The following RAD51B variants were observed in gnomAD, a reference collection of about 807,000 sequenced individuals.
The protein encoded by RAD51B is DNA repair protein RAD51 homolog 2.
A neutral mutation model predicts 42.2 loss-of-function variants in RAD51B; 38 were observed. The ratio of observed to expected loss-of-function variants is 0.90; its 90% confidence interval spans 0.70 to 1.18. The LOEUF (loss-of-function observed/expected upper bound fraction) is 1.18, where lower values mean the gene tolerates loss of function less well. Among genes scored for constraint, RAD51B ranks in the 50% most tolerant of loss-of-function variants. The pLI is 0.00. For synonymous variants in RAD51B, 154 were observed against 145.2 expected (o/e 1.06, Z -0.43); for missense variants, 373 against 400.7 (o/e 0.93, Z 0.59).
chr14:68,682,180 T>C (rs554611802), intron 11 of RAD51B, among the ~76,000 whole-genome samples: 2 of 152,254 alleles, frequency 1.3e-5, no homozygotes, highest in African/African-American at 4.8e-5. Context: ...CCTACAGATA[T>C]TAAATTACTT....
At chr14:68,051,350 C>G (rs185368298) in intron 7 of RAD51B, among the ~76,000 whole-genome samples, 2 of 151,696 alleles carry the variant, frequency 1.3e-5, no homozygotes, top group East Asian at 3.9e-4. Context: ...TCGGAATGTA[C>G]TCTCATTTAT....
chr14:68,048,132 A>C (rs543510132), intron 7 of RAD51B, among the ~76,000 whole-genome samples: 1 of 152,232 alleles, frequency 6.6e-6, no homozygotes, highest in Non-Finnish European at 1.5e-5. Context: ...ACATTCTTTA[A>C]GTATTTAATA....
At chr14:68,595,661 A>T in exon 11 of RAD51B, 1 of 1,007,448 alleles carries the variant, frequency 9.9e-7, no homozygotes, top group African/African-American at 1.7e-5. Flanking sequence ...AAATAGACAC[A>T]ACTAAATGTT....
intron 7 of RAD51B, among the ~76,000 whole-genome samples, chr14:68,148,128 G>A (rs529792636): frequency 1.3e-5 from 2 of 152,194 alleles, no homozygotes; most frequent in East Asian, 1.9e-4. Context: ...TTTATTTTGA[G>A]ATTCATCCAT....
At chr14:68,422,779 T>C (rs1308055408) in intron 9 of RAD51B, among the ~76,000 whole-genome samples, 2 of 152,226 alleles carry the variant, frequency 1.3e-5, no homozygotes, top group East Asian at 1.9e-4. Context: ...TTTCCTGATT[T>C]CTGCCGCTGT....
At chr14:68,672,829 G>A (rs903453632) in intron 11 of RAD51B, among the ~76,000 whole-genome samples, 2 of 152,200 alleles carry the variant, frequency 1.3e-5, no homozygotes, top group Non-Finnish European at 2.9e-5. Flanking sequence ...TCCCTTCAGA[G>A]GGTGTTACAG....
chr14:68,528,148 C>T (rs1345176009), intron 10 of RAD51B, among the ~76,000 whole-genome samples: 1 of 152,226 alleles, frequency 6.6e-6, no homozygotes, highest in Non-Finnish European at 1.5e-5. Context: ...GTCTTCCGTA[C>T]CATACATCCT....
At chr14:68,356,442 A>G (rs1343160291) in intron 8 of RAD51B, among the ~76,000 whole-genome samples, 1 of 151,988 alleles carries the variant, frequency 6.6e-6, no homozygotes, top group Non-Finnish European at 1.5e-5. Flanking sequence ...CTCAAAAAAA[A>G]AAAAAAAAAA....
intron 7 of RAD51B, among the ~76,000 whole-genome samples, chr14:68,088,642 CAGAG>C (rs967573457): frequency 1.9e-4 from 21 of 112,800 alleles, no homozygotes; most frequent in African/African-American, 6.9e-4. Context: ...GAGAGAGAGA[CAGAG>C]AGAGAGAGGT....
intron 7 of RAD51B, among the ~76,000 whole-genome samples, chr14:68,034,832 G>C (rs2076097137): frequency 6.6e-6 from 1 of 152,080 alleles, no homozygotes; most frequent in South Asian, 2.1e-4. Flanking sequence ...AGCCATTTCA[G>C]TTTCTCAATT....
chr14:68,648,208 G>A (rs1046812818), intron 10 of RAD51B, among the ~76,000 whole-genome samples: 3 of 144,036 alleles, frequency 2.1e-5, no homozygotes, highest in South Asian at 2.2e-4. Context: ...ATTCGAACCC[G>A]CATGTGTGTG....
chr14:68,341,731 T>C (rs976176438), intron 8 of RAD51B, among the ~76,000 whole-genome samples: 4 of 152,184 alleles, frequency 2.6e-5, no homozygotes, highest in African/African-American at 9.6e-5. Flanking sequence ...TCTCCAACTT[T>C]GTCAGTACGT....
intron 8 of RAD51B, among the ~76,000 whole-genome samples, chr14:68,313,484 C>T (rs939684835): frequency 6.6e-6 from 1 of 152,172 alleles, no homozygotes. Context: ...CAACTCCCAC[C>T]AGCTGAGTCG....
At chr14:68,600,916 A>G (rs1405184387), downstream of RAD51B, among the ~76,000 whole-genome samples, 3 of 152,220 alleles carry the variant, frequency 2.0e-5, no homozygotes, top group Admixed American at 2.0e-4. Flanking sequence ...AGCCTGAAGC[A>G]TAAGAATTGA....
At chr14:68,181,241 T>A (rs1054879449) in intron 7 of RAD51B, among the ~76,000 whole-genome samples, 13 of 152,182 alleles carry the variant, frequency 8.5e-5, no homozygotes, top group Middle Eastern at 3.2e-3. Context: ...TGGAAGGTAA[T>A]CCCCAGATTT....
intron 7 of RAD51B, among the ~76,000 whole-genome samples, chr14:68,189,964 C>A (rs1595530028): frequency 6.6e-6 from 1 of 152,222 alleles, no homozygotes; most frequent in South Asian, 2.1e-4. Flanking sequence ...CTGCACCTGG[C>A]CTCCCTTAAA....
chr14:68,589,882 A>G (rs1453135279), intron 10 of RAD51B, among the ~76,000 whole-genome samples: 1 of 152,088 alleles, frequency 6.6e-6, no homozygotes, highest in East Asian at 1.9e-4. Context: ...CTTTTTCATT[A>G]GCTCATCAAG....
intron 10 of RAD51B, among the ~76,000 whole-genome samples, chr14:68,505,041 A>G (rs1257178015): frequency 1.3e-5 from 2 of 152,246 alleles, no homozygotes; most frequent in African/African-American, 4.8e-5. Context: ...TTAAATTCCT[A>G]GCAGCTCTTT....
intron 8 of RAD51B, among the ~76,000 whole-genome samples, chr14:68,364,700 A>G (rs947810153): frequency 6.6e-6 from 1 of 152,160 alleles, no homozygotes; most frequent in African/African-American, 2.4e-5. Flanking sequence ...CCTTCAAGGG[A>G]GCAGTAAGGT....
Sources: gnomAD v4.1 joint callset for allele counts (sites outside exome capture counted in the v4.1 genomes callset) on GRCh38, gnomAD v4.1.1 for gene constraint, MANE v1.5 for transcripts, NCBI Gene and HGNC (gene_info 2026-07-23, HGNC 2026-07-21) for gene names.